RFTN1: variants seen among roughly 807,000 people sequenced by gnomAD.
RFTN1 encodes the protein raftlin.
In RFTN1, 26 loss-of-function variants were observed where a neutral mutation model predicts 46.5. The ratio of observed to expected loss-of-function variants is 0.56; its 90% CI spans 0.41 to 0.78. The LOEUF is 0.78. Ranked by LOEUF, RFTN1 falls within the 30% of genes least tolerant of loss-of-function variation. RFTN1 has a pLI of 0.00. For synonymous variants in RFTN1, 261 were observed against 284.2 expected (o/e 0.92, Z 0.82); for missense variants, 693 against 718.7 (o/e 0.96, Z 0.41).
Position 16,317,264 on chromosome 3 carries a change from A to G in RFTN1, c.1333-32T>C. On this transcript the variant is annotated intron_variant, in intron 9 of 9. Coordinates refer to ENST00000334133, the MANE Select transcript of RFTN1 (RefSeq NM_015150.2). This position sits in a 1 kb window ranked among gnomAD's most constrained non-coding sequence, Gnocchi z 4.3. The stretch of plus-strand genomic sequence containing the variant: ...ATCAGAAAGGATGGGGATAAATAAC[A>G]AGCCTCCGGGAACCCAGAGCTTCAC... 1.2e-6 allele frequency: 2 copies of G among 1,604,700 alleles called. No individual in the cohort carries two copies. The highest frequency in any genetic ancestry group is 8.5e-7 in the Non-Finnish European group (1 of 1,179,104).
At position 16,459,755 on chromosome 3, in the gene RFTN1, T is replaced by C. The variant is rs1281235640; in HGVS notation, c.146-25718A>G. On this transcript the variant is annotated intron_variant, in intron 2 of 9. Transcript: ENST00000334133. The surrounding 1 kb of genome is among the most constrained non-coding windows in gnomAD (Gnocchi z 4.2). ...ATATCTAGTCAATATCATCATGTTA[T>C]AGAAAAAAGTTGAAAAAGGAACATA... 1.3e-5 allele frequency among the ~76,000 whole-genome samples: 2 copies of C among 151,696 alleles called. No homozygotes were observed. The highest frequency in any genetic ancestry group is 2.4e-5 in the African/African-American group (1 of 41,002).
chr3:16,423,938 T>C (rs916342212), intron 3 of RFTN1, among the ~76,000 whole-genome samples: 2 of 152,216 alleles, frequency 1.3e-5, no homozygotes, highest in Non-Finnish European at 2.9e-5. Context: ...AATAACACAC[T>C]GATAATCGTA....
intron 4 of RFTN1, among the ~76,000 whole-genome samples, chr3:16,389,999 G>A (rs920059139): frequency 1.3e-5 from 2 of 152,168 alleles, no homozygotes; most frequent in African/African-American, 2.4e-5. Flanking sequence ...GAGGCCTACA[G>A]CCAACACCAA....
rs1553595285 is a variant in RFTN1, at chr3:16,433,185, T to TAAAA, written c.332+662_332+665dup. Reference sequence around the variant, plus strand: ...TCCCATCCTCACTGTTTTTTTTTTTTAAAAAAATTAATATTGTTCCTTTTG... The same window carrying TAAAA: ...TCCCATCCTCACTGTTTTTTTTTTTTAAAAAAAAAAATTAATATTGTTCCTTTTG... On this transcript the variant is annotated intron_variant, in intron 3 of 9. Transcript: ENST00000334133. The surrounding 1 kb of genome is among the most constrained non-coding windows in gnomAD (Gnocchi z 4.4). 6.8e-4 allele frequency among the ~76,000 whole-genome samples: 102 copies of TAAAA among 150,246 alleles called. No homozygotes were observed. The highest frequency in any genetic ancestry group is 1.3e-3 in the South Asian group (6 of 4,772).
At position 16,443,750 on chromosome 3, in the gene RFTN1, A is replaced by AACACACACACACAC. The variant is rs57242614; in HGVS notation, c.146-9727_146-9714dup. ...CACACATAGTCAATGAATTACACAC[A>AACACACACACACAC]ACACACACACACACACACACACACA... is the stretch of plus-strand genomic sequence containing the variant. On this transcript the variant is annotated intron_variant, in intron 2 of 9. Transcript: ENST00000334133. This position sits in a 1 kb window ranked among gnomAD's most constrained non-coding sequence, Gnocchi z 5.5. Among the ~76,000 whole-genome samples the AACACACACACACAC allele has an allele frequency of 5.4e-4, 79 of 146,040 alleles. No homozygotes were observed. The highest frequency in any genetic ancestry group is 1.8e-3 in the Admixed American group (27 of 14,670).
chr3:16,339,305 C>G (rs1315622954), intron 7 of RFTN1: 2 of 152,276 alleles, frequency 1.3e-5, no homozygotes, highest in Non-Finnish European at 2.9e-5. Context: ...TCCTTATGCT[C>G]TGCTCTTATT....
intron 7 of RFTN1, among the ~76,000 whole-genome samples, chr3:16,357,425 T>G (rs1207462191): frequency 2.0e-5 from 3 of 152,228 alleles, no homozygotes; most frequent in African/African-American, 7.2e-5. Flanking sequence ...TGTGTAATCT[T>G]GGACCAGGGA....
intron 3 of RFTN1, among the ~76,000 whole-genome samples, chr3:16,432,480 T>A (rs2075408504): frequency 6.6e-6 from 1 of 152,100 alleles, no homozygotes. Flanking sequence ...ATCATGCCAC[T>A]GTGCTCCAGC....
In RFTN1 at chr3:16,441,354, T is replaced by C. The variant is rs2075621127; in HGVS notation, c.146-7317A>G. ...AAGGAATGAAAACAGAGAAAAAACA[T>C]AATCCACAAAACCACACATTTCTTA... On this transcript the variant is annotated intron_variant, in intron 2 of 9. Coordinates refer to ENST00000334133, the MANE Select transcript of RFTN1 (RefSeq NM_015150.2). Among the ~76,000 whole-genome samples the C allele has an allele frequency of 3.3e-5, 4 of 119,586 alleles. No individual in the cohort carries two copies. In the South Asian group the frequency reaches 1.1e-3, roughly 32 times the overall value. 78.5% of individuals were successfully genotyped at this position (119,586 alleles called of 152,430 possible).
intron 2 of RFTN1, among the ~76,000 whole-genome samples, chr3:16,463,380 T>C (rs2076038899): frequency 1.3e-5 from 2 of 152,212 alleles, no homozygotes; most frequent in Non-Finnish European, 1.5e-5. Context: ...TTTCCCTCTT[T>C]GCATTTCAGC....
At position 16,370,650 on chromosome 3, in the gene RFTN1, G is replaced by A. The variant is rs1223178105; in HGVS notation, c.827-371C>T. 6.6e-6 allele frequency among the ~76,000 whole-genome samples: 1 copy of A among 152,206 alleles called. No individual in the cohort carries two copies. The highest frequency in any genetic ancestry group is 1.9e-4 in the East Asian group (1 of 5,206). On this transcript the variant is annotated intron_variant, in intron 5 of 9. Coordinates refer to ENST00000334133, the MANE Select transcript of RFTN1 (RefSeq NM_015150.2). This position sits in a 1 kb window ranked among gnomAD's most constrained non-coding sequence, Gnocchi z 5.5. Reference sequence around the variant, plus strand: ...TAGAAATAAAAGCAGACATACTTGGGTGAGAATGGTCTTTGGAAAACTAAA... The same window carrying A: ...TAGAAATAAAAGCAGACATACTTGGATGAGAATGGTCTTTGGAAAACTAAA...
In RFTN1 at chr3:16,327,232, C is replaced by T. The variant is rs893918351; in HGVS notation, c.1147-356G>A. Among the ~76,000 whole-genome samples the T allele has an allele frequency of 7.9e-5, 12 of 152,304 alleles. No homozygotes were observed. The highest frequency in any genetic ancestry group is 1.8e-4 in the Non-Finnish European group (12 of 68,024). On this transcript the variant is annotated intron_variant, in intron 7 of 9. Transcript: ENST00000334133. The surrounding 1 kb of genome is among the most constrained non-coding windows in gnomAD (Gnocchi z 4.2). ...GCGGTATCCAGGGCATATAACTACACGTGCTGCTCTGAATGAGTTCAGAGC... is the reference window on the plus strand; with the variant it reads ...GCGGTATCCAGGGCATATAACTACATGTGCTGCTCTGAATGAGTTCAGAGC...
chr3:16,369,759 T>G (rs1414473549), intron 6 of RFTN1, among the ~76,000 whole-genome samples: 1 of 152,174 alleles, frequency 6.6e-6, no homozygotes, highest in Non-Finnish European at 1.5e-5. Flanking sequence ...AGGGGGTAAT[T>G]AACAAATCCA....
At position 16,356,502 on chromosome 3, in the gene RFTN1, C is replaced by T. The variant is rs1484346692; in HGVS notation, c.1146+1430G>A. Among the ~76,000 whole-genome samples the T allele has an allele frequency of 6.6e-6, 1 of 152,200 alleles. No homozygotes were observed. Among genetic ancestry groups the T allele is most frequent in the Non-Finnish European group, 1.5e-5 (1 of 68,032 alleles). On this transcript the variant is annotated intron_variant, in intron 7 of 9. Coordinates refer to ENST00000334133, the MANE Select transcript of RFTN1 (RefSeq NM_015150.2). The surrounding 1 kb of genome is among the most constrained non-coding windows in gnomAD (Gnocchi z 4.9). ...GTTCAGACGCAGGTATGCCCCCCAA[C>T]AGCCTTGCTCCTCACTTCACGTGTG...
chr3:16,367,816 A>G (rs1408527322), intron 6 of RFTN1, among the ~76,000 whole-genome samples: 2 of 152,146 alleles, frequency 1.3e-5, no homozygotes, highest in Non-Finnish European at 2.9e-5. Flanking sequence ...GGAACAGCAA[A>G]TGGGTTTGTG....
At chr3:16,365,727 T>G (rs897943916) in intron 6 of RFTN1, among the ~76,000 whole-genome samples, 1 of 152,158 alleles carries the variant, frequency 6.6e-6, no homozygotes, top group Non-Finnish European at 1.5e-5. Context: ...AATTCTTAAC[T>G]TATCAAGGCC....
At chr3:16,461,430 G>T (rs192504632) in intron 2 of RFTN1, among the ~76,000 whole-genome samples, 1 of 151,592 alleles carries the variant, frequency 6.6e-6, no homozygotes, top group Non-Finnish European at 1.5e-5. Context: ...ACACATACAC[G>T]TACATAAATA....
chr3:16,410,660 T>G lies in RFTN1; in HGVS notation c.333-1177A>C, dbSNP rs1250198078. Among the ~76,000 whole-genome samples the G allele has an allele frequency of 6.6e-6, 1 of 152,168 alleles. No individual in the cohort carries two copies. The highest frequency in any genetic ancestry group is 1.9e-4 in the East Asian group (1 of 5,202). Reference sequence around the variant, plus strand: ...GGAAAACAGCGTGGGTGTAAACGGCTGTCTGAGGTGAAGGCCTGTAGTCTT... The same window carrying G: ...GGAAAACAGCGTGGGTGTAAACGGCGGTCTGAGGTGAAGGCCTGTAGTCTT... On this transcript the variant is annotated intron_variant, in intron 3 of 9. Coordinates refer to ENST00000334133, the MANE Select transcript of RFTN1 (RefSeq NM_015150.2). This position sits in a 1 kb window ranked among gnomAD's most constrained non-coding sequence, Gnocchi z 4.6.
In RFTN1 at chr3:16,474,092, C is replaced by G. The variant is rs984298522; in HGVS notation, c.145+19633G>C. Reference sequence around the variant, plus strand: ...TTCCTGTCTTGGGGAGGAAATCTTGCACTTACATTTGACTCTTCTTTGCAT... The same window carrying G: ...TTCCTGTCTTGGGGAGGAAATCTTGGACTTACATTTGACTCTTCTTTGCAT... On this transcript the variant is annotated intron_variant, in intron 2 of 9. Transcript: ENST00000334133. This position sits in a 1 kb window ranked among gnomAD's most constrained non-coding sequence, Gnocchi z 5.5. Among the ~76,000 whole-genome samples, 4 of 152,204 alleles carry G rather than the reference C, an allele frequency of 2.6e-5. No individual in the cohort carries two copies. Among genetic ancestry groups the G allele is most frequent in the Admixed American group, 2.6e-4 (4 of 15,280 alleles).
Sources: gnomAD v4.1 joint callset for allele counts (sites outside exome capture counted in the v4.1 genomes callset) on GRCh38, gnomAD v4.1.1 for gene constraint, Gnocchi (gnomAD v3.1) non-coding constraint, MANE v1.5 for transcripts, NCBI Gene and HGNC (gene_info 2026-07-23, HGNC 2026-07-21) for gene names.